The following SLC22A24 variants were observed in gnomAD, a reference collection of about 807,000 sequenced individuals.
SLC22A24 encodes the protein steroid transmembrane transporter SLC22A24.
Under a neutral mutation model 49.8 loss-of-function variants are expected in SLC22A24, and 53 were observed. That is an observed-to-expected ratio of 1.06 (90% CI 0.85 to 1.34). The LOEUF (loss-of-function observed/expected upper bound fraction) is 1.34. Among genes scored for constraint, SLC22A24 ranks in the 40% most tolerant of loss-of-function variants. SLC22A24 has a pLI of 0.00. For synonymous variants in SLC22A24, 302 were observed against 256.4 expected (o/e 1.18, Z -1.70); for missense variants, 786 against 675.9 (o/e 1.16, Z -1.81).
At position 63,080,238 on chromosome 11, in the gene SLC22A24, A is replaced by T. The variant is rs139661068; in HGVS notation, c.1599-238T>A. Among the ~76,000 whole-genome samples, 23 of 152,302 alleles carry T rather than the reference A, an allele frequency of 1.5e-4. 1 individual carries two copies. In the East Asian group the frequency reaches 4.4e-3, roughly 29 times the overall value. On this transcript the variant is annotated intron_variant, in intron 9 of 9. Coordinates refer to ENST00000612278, the MANE Select transcript of SLC22A24 (RefSeq NM_001136506.2). ...TCACCATTGTCTCTTTGGATCTCAG[A>T]CCAATGACATCTTTAGTAAATCAAA...
At chr11:63,111,362 A>C (rs2087162692) in intron 4 of SLC22A24, among the ~76,000 whole-genome samples, 1 of 152,042 alleles carries the variant, frequency 6.6e-6, no homozygotes, top group African/African-American at 2.4e-5. Flanking sequence ...TGCTGGCTTC[A>C]TAAAATGAGT....
At chr11:63,138,900 C>T (rs929467832) in intron 1 of SLC22A24, among the ~76,000 whole-genome samples, 1 of 152,106 alleles carries the variant, frequency 6.6e-6, no homozygotes, top group African/African-American at 2.4e-5. Flanking sequence ...CTCTGAACTA[C>T]CTTGTAGAGA....
At chr11:63,092,566 G>A (rs1489629857) in intron 6 of SLC22A24, among the ~76,000 whole-genome samples, 5 of 60,472 alleles carry the variant, frequency 8.3e-5, no homozygotes, top group African/African-American at 1.5e-4. Flanking sequence ...GATCTTTGAC[G>A]AACCTGACAT....
chr11:63,109,812 A>G (rs774098326), intron 4 of SLC22A24, among the ~76,000 whole-genome samples: 14 of 151,568 alleles, frequency 9.2e-5, no homozygotes, highest in African/African-American at 3.4e-4. Context: ...GTTCACTCTG[A>G]TGGTAGTTTC....
At chr11:63,143,313 A>T in intron 1 of SLC22A24, 65 bp downstream of exon 1, 1 of 1,351,204 alleles carries the variant, frequency 7.4e-7, no homozygotes, top group Non-Finnish European at 9.6e-7. Flanking sequence ...AAGCAAGTCA[A>T]TTTTTTTGTG....
At chr11:63,093,990 A>AG (rs2087036482) in intron 6 of SLC22A24, among the ~76,000 whole-genome samples, 1 of 151,582 alleles carries the variant, frequency 6.6e-6, no homozygotes. Flanking sequence ...GTATTTAAAA[A>AG]AAAATTTGTT....
chr11:63,140,415 G>T (rs1356216344), intron 1 of SLC22A24, among the ~76,000 whole-genome samples: 1 of 152,108 alleles, frequency 6.6e-6, no homozygotes, highest in Non-Finnish European at 1.5e-5. Context: ...GTAAAACAAA[G>T]TGTCTTGAAA....
chr11:63,109,610 T>C (rs977278056), intron 4 of SLC22A24, among the ~76,000 whole-genome samples: 1 of 151,060 alleles, frequency 6.6e-6, no homozygotes. Context: ...ATGGTGAGCA[T>C]TTTTTCATGT....
intron 6 of SLC22A24, among the ~76,000 whole-genome samples, chr11:63,095,297 A>G (rs970577811): frequency 3.3e-4 from 50 of 152,288 alleles, no homozygotes; most frequent in African/African-American, 1.2e-3. Context: ...GGAATTCATA[A>G]TAGCCCACAA....
chr11:63,137,609 C>T (rs953758740), intron 1 of SLC22A24, among the ~76,000 whole-genome samples: 8 of 152,178 alleles, frequency 5.3e-5, no homozygotes, highest in Non-Finnish European at 8.8e-5. Flanking sequence ...ATATTGGGTA[C>T]TGAATGAGGT....
At chr11:63,132,830 T>C (rs1349966134) in intron 2 of SLC22A24, among the ~76,000 whole-genome samples, 2 of 152,180 alleles carry the variant, frequency 1.3e-5, no homozygotes, top group Non-Finnish European at 2.9e-5. Context: ...ACCACTGGTC[T>C]CTTCAGAGCT....
chr11:63,134,612 G>C, intron 2 of SLC22A24, 53 bp downstream of exon 2: 1 of 1,026,038 alleles, frequency 9.7e-7, no homozygotes, highest in South Asian at 1.4e-5. Flanking sequence ...TAAAATAAAG[G>C]AATGAATATA....
intron 2 of SLC22A24, among the ~76,000 whole-genome samples, chr11:63,128,415 C>G (rs867725912): frequency 2.4e-4 from 36 of 152,148 alleles, no homozygotes; most frequent in Middle Eastern, 3.4e-3. Context: ...GGGATTCTCC[C>G]TTTCCCTGGG....
chr11:63,126,723 G>C (rs978432575), intron 2 of SLC22A24, among the ~76,000 whole-genome samples: 2 of 152,190 alleles, frequency 1.3e-5, no homozygotes, highest in African/African-American at 4.8e-5. Context: ...GATGGGGATA[G>C]CATTGAATGT....
At position 63,096,094 on chromosome 11, in the gene SLC22A24, T is replaced by C; in HGVS notation, c.967A>G (p.Thr323Ala). 1 of 1,549,846 alleles carries C rather than the reference T, an allele frequency of 6.5e-7. No homozygotes were observed. Among genetic ancestry groups the C allele is most frequent in the Non-Finnish European group, 8.7e-7 (1 of 1,145,522 alleles). The change falls in exon 6 of 10, where the codon ACC becomes GCC. Residue 323 changes from threonine (T) to alanine (A), a missense_variant. Transcript: ENST00000612278. ...ETLTTELVRS[T>A]MKKELDAVRI... ...ACTGCATCCAACTCCTTCTTCATGGTGGATCTCACAAGCTTCAGCAACAAA... is the reference window on the plus strand; with the variant it reads ...ACTGCATCCAACTCCTTCTTCATGGCGGATCTCACAAGCTTCAGCAACAAA...
intron 6 of SLC22A24, among the ~76,000 whole-genome samples, chr11:63,084,919 T>A (rs1268755607): frequency 6.7e-6 from 1 of 149,830 alleles, no homozygotes; most frequent in African/African-American, 2.4e-5. Context: ...GAGGCTATTC[T>A]TGTGAGTGAG....
intron 4 of SLC22A24, among the ~76,000 whole-genome samples, chr11:63,117,065 A>G (rs766360244): frequency 3.8e-4 from 58 of 152,302 alleles, no homozygotes; most frequent in Non-Finnish European, 6.6e-4. Flanking sequence ...CTCATAAGCC[A>G]ACATCTGGCT....
At chr11:63,134,812 T>G in intron 1 of SLC22A24, 44 bp from the exon 2 acceptor site, 1 of 1,367,976 alleles carries the variant, frequency 7.3e-7, no homozygotes, top group Non-Finnish European at 1.0e-6. Flanking sequence ...GAGAAGAGTT[T>G]CAACTCTTTA....
intron 2 of SLC22A24, among the ~76,000 whole-genome samples, chr11:63,126,334 T>A (rs940674393): frequency 3.9e-5 from 6 of 152,218 alleles, no homozygotes; most frequent in African/African-American, 1.4e-4. Context: ...TTAATTTTTG[T>A]ATAAGGTGTA....
Sources: allele counts gnomAD v4.1 joint callset (sites outside exome capture counted in the v4.1 genomes callset), GRCh38; gene constraint gnomAD v4.1.1; transcripts MANE v1.5; gene names NCBI Gene and HGNC (gene_info 2026-07-23, HGNC 2026-07-21).